The following ASXL3 variants were observed in gnomAD, a reference collection of about 807,000 sequenced individuals.
The protein encoded by ASXL3 is ASXL transcriptional regulator 3, also known as putative Polycomb group protein ASXL3.
ASXL3 carries 34 observed loss-of-function variants against 170.6 expected under a neutral mutation model. The ratio of observed to expected loss-of-function variants is 0.20; its 90% confidence interval spans 0.15 to 0.27. The LOEUF is 0.27. Ranked by LOEUF, ASXL3 falls within the 10% of genes least tolerant of loss-of-function variation. The probability of loss-of-function intolerance (pLI) is 1.00; values close to 1 mark genes in which losing one functional copy is unlikely to be tolerated. For missense variants in ASXL3, 2,592 were observed against 2,695.3 expected (o/e 0.96, Z 0.85); for synonymous variants, 1,002 against 989.1 (o/e 1.01, Z -0.24).
chr18:33,693,697 G>T (rs2066725374), intron 8 of ASXL3, among the ~76,000 whole-genome samples: 2 of 152,102 alleles, frequency 1.3e-5, no homozygotes, highest in South Asian at 4.1e-4. Flanking sequence ...CAAATAGTTG[G>T]TCTATTTATG....
chr18:33,694,629 T>C (rs552081345), intron 8 of ASXL3, among the ~76,000 whole-genome samples: 2 of 152,170 alleles, frequency 1.3e-5, no homozygotes, highest in African/African-American at 4.8e-5. Context: ...CAAATGGTAA[T>C]TGCAGCATTT....
chr18:33,707,505 A>T (rs1463657055), intron 8 of ASXL3, among the ~76,000 whole-genome samples: 1 of 131,294 alleles, frequency 7.6e-6, no homozygotes, highest in Non-Finnish European at 1.6e-5. Flanking sequence ...TTGTTGATAT[A>T]CAAATCAATT....
chr18:33,670,011 C>A lies in ASXL3; in HGVS notation c.478-662C>A, dbSNP rs567905475. ...ATTTGGACAGATTTATTCTTATATT[C>A]ATTTTTTTCCTGGATTTGCTAGAAT... is the stretch of plus-strand genomic sequence containing the variant. On this transcript the variant is annotated intron_variant, in intron 5 of 11. Coordinates refer to ENST00000269197, the MANE Select transcript of ASXL3 (RefSeq NM_030632.3). 1.2e-4 allele frequency among the ~76,000 whole-genome samples: 19 copies of A among 152,210 alleles called. 1 individual carries two copies. The South Asian group carries it at 3.7e-3, about 30-fold the overall frequency.
In ASXL3 at chr18:33,745,544, G is replaced by A. The variant is rs562192619; in HGVS notation, c.5696G>A (p.Arg1899Gln). 3.7e-6 allele frequency: 6 copies of A among 1,613,970 alleles called. No homozygotes were observed. Among genetic ancestry groups the A allele is most frequent in the Admixed American group, 1.7e-5 (1 of 60,026 alleles). Residue 1899 changes from arginine (R) to glutamine (Q), a missense_variant, in exon 12 of 12, where the codon CGG becomes CAG. Arg to Gln is a conservative substitution (Grantham distance 43). Transcript: ENST00000269197. The stretch of plus-strand genomic sequence containing the variant: ...AGCCCTGAGGTCAAACAGCAAAAGC[G>A]GCTGCTCCCCTCGTGTAGCTTCCAG... ...VHSPEVKQQKRLLPSCSFQQN... is the reference protein window; with the variant it reads ...VHSPEVKQQKQLLPSCSFQQN...
chr18:33,626,034 T>C (rs144066050), intron 2 of ASXL3: 4 of 152,170 alleles, frequency 2.6e-5, no homozygotes, highest in Admixed American at 2.0e-4. Context: ...GTCACTATTA[T>C]GGTAGTTTAG....
chr18:33,628,493 A>T (rs1474773975), intron 2 of ASXL3, among the ~76,000 whole-genome samples: 1 of 152,148 alleles, frequency 6.6e-6, no homozygotes, highest in African/African-American at 2.4e-5. Flanking sequence ...TAAAAGGAAC[A>T]ATTTTAAGAT....
At position 33,746,446 on chromosome 18, in the gene ASXL3, T is replaced by G; in HGVS notation, c.6598T>G (p.Phe2200Val). ...GAACGCTCAGATGCCCGTTCAGAACTTTGCCGACAGCAGCAATGCAGATGA... is the reference window on the plus strand; with the variant it reads ...GAACGCTCAGATGCCCGTTCAGAACGTTGCCGACAGCAGCAATGCAGATGA... ...GQNAQMPVQN[F>V]ADSSNADELE... is the part of the protein sequence containing the mutation. Residue 2200 changes from phenylalanine (F) to valine (V), a missense_variant, in exon 12 of 12, where the codon TTT (phenylalanine) becomes GTT (valine). Around this residue, in one of 4 missense-constraint regions of ASXL3, gnomAD observed 2,246 missense variants for 2,219.6 expected, o/e 1.01. Transcript: ENST00000269197. The G allele has an allele frequency of 6.2e-7, 1 of 1,614,040 alleles. No individual in the cohort carries two copies. Among genetic ancestry groups the G allele is most frequent in the Non-Finnish European group, 8.5e-7 (1 of 1,179,888 alleles).
At chr18:33,626,352 A>G (rs1171650939) in intron 2 of ASXL3, among the ~76,000 whole-genome samples, 3 of 152,088 alleles carry the variant, frequency 2.0e-5, no homozygotes, top group Non-Finnish European at 2.9e-5. Flanking sequence ...AGCAAGTGCA[A>G]TCAGTCTTGA....
chr18:33,590,998 A>C (rs2065072246), intron 1 of ASXL3, among the ~76,000 whole-genome samples: 1 of 152,196 alleles, frequency 6.6e-6, no homozygotes, highest in South Asian at 2.1e-4. Flanking sequence ...ATTGATCATA[A>C]TCCTTAGATG....
At chr18:33,684,702 A>G (rs1484492366) in intron 8 of ASXL3, among the ~76,000 whole-genome samples, 1 of 152,174 alleles carries the variant, frequency 6.6e-6, no homozygotes, top group Non-Finnish European at 1.5e-5. Flanking sequence ...TGAATGAGTG[A>G]TTAAATGCAC....
At chr18:33,693,767 G>C (rs1005700004) in intron 8 of ASXL3, among the ~76,000 whole-genome samples, 2 of 152,288 alleles carry the variant, frequency 1.3e-5, no homozygotes, top group African/African-American at 4.8e-5. Context: ...ACATGTGCCA[G>C]AAGTTAGATT....
intron 1 of ASXL3, among the ~76,000 whole-genome samples, chr18:33,580,037 G>T (rs1410680575): frequency 1.1e-4 from 16 of 152,232 alleles, no homozygotes; most frequent in Non-Finnish European, 1.6e-4. Context: ...GCCCAGCGAA[G>T]AAGTGACAAA....
chr18:33,598,362 T>G (rs892854478), intron 1 of ASXL3, among the ~76,000 whole-genome samples: 6 of 152,158 alleles, frequency 3.9e-5, no homozygotes, highest in Admixed American at 2.6e-4. Flanking sequence ...TTATTATATG[T>G]CCCATGTTTG....
chr18:33,645,137 A>T (rs2065899566), intron 3 of ASXL3, 135 bp downstream of exon 3: 7 of 488,428 alleles, frequency 1.4e-5, no homozygotes, highest in Non-Finnish European at 1.4e-5. Context: ...TGTCTTAGAA[A>T]TGATTTCATA....
At chr18:33,707,590 C>T (rs1052262534) in intron 8 of ASXL3, among the ~76,000 whole-genome samples, 1 of 151,862 alleles carries the variant, frequency 6.6e-6, no homozygotes, top group Non-Finnish European at 1.5e-5. Context: ...TTTTTATCCT[C>T]TCAGTCAATA....
At chr18:33,666,345 C>T (rs1475010181) in intron 5 of ASXL3, among the ~76,000 whole-genome samples, 1 of 152,080 alleles carries the variant, frequency 6.6e-6, no homozygotes, top group African/African-American at 2.4e-5. Flanking sequence ...CAAAATAAAT[C>T]ACATTATAGA....
chr18:33,584,170 GAA>G (rs1345390891), intron 1 of ASXL3, among the ~76,000 whole-genome samples: 8 of 152,174 alleles, frequency 5.3e-5, no homozygotes, highest in African/African-American at 1.9e-4. Flanking sequence ...AGCCTTCTAA[GAA>G]GAGAGAACGA....
chr18:33,649,771 C>T (rs532699283), intron 4 of ASXL3, among the ~76,000 whole-genome samples: 3 of 152,176 alleles, frequency 2.0e-5, no homozygotes, highest in South Asian at 4.2e-4. Context: ...AAGGAAGTCT[C>T]ATTGGTGTGA....
intron 10 of ASXL3, among the ~76,000 whole-genome samples, chr18:33,738,100 T>C (rs1313756449): frequency 1.3e-5 from 2 of 152,070 alleles, no homozygotes; most frequent in African/African-American, 2.4e-5. Context: ...AGAGTTTTAG[T>C]TGAGATTATA....
Sources: gnomAD v4.1 joint callset for allele counts (sites outside exome capture counted in the v4.1 genomes callset) on GRCh38, gnomAD v4.1.1 for gene constraint, gnomAD v4.1.1 regional missense constraint, MANE v1.5 for transcripts, NCBI Gene and HGNC (gene_info 2026-07-23, HGNC 2026-07-21) for gene names.